Variants in UROS observed in about 807,000 individuals in gnomAD.
The protein encoded by UROS is uroporphyrinogen-III synthase.
UROS carries 18 observed loss-of-function variants against 33.0 expected under a neutral mutation model. That is an observed-to-expected ratio of 0.55 (90% confidence interval 0.38 to 0.81). The LOEUF (loss-of-function observed/expected upper bound fraction) is 0.81, where lower values mean the gene tolerates loss of function less well. UROS is among the 30% of genes least tolerant of loss of function. The pLI is 0.00. For synonymous variants in UROS, 114 were observed against 121.1 expected (o/e 0.94, Z 0.38); for missense variants, 293 against 314.9 (o/e 0.93, Z 0.53).
chr10:125,817,405 C>T (rs1180614510), intron 1 of UROS, among the ~76,000 whole-genome samples: 2 of 151,018 alleles, frequency 1.3e-5, no homozygotes, highest in Non-Finnish European at 2.9e-5. Context: ...CTCATTTCTG[C>T]TTGCCCTTTT....
At chr10:125,819,277 C>T (rs550103822) in intron 1 of UROS, among the ~76,000 whole-genome samples, 2 of 152,254 alleles carry the variant, frequency 1.3e-5, no homozygotes, top group East Asian at 1.9e-4. Context: ...CCACTGCACC[C>T]GGCCTAAAGT....
chr10:125,822,720 A>C (rs528255046), intron 1 of UROS, among the ~76,000 whole-genome samples: 6 of 152,148 alleles, frequency 3.9e-5, no homozygotes, highest in African/African-American at 1.4e-4. Context: ...GACCTCCCTA[A>C]GTGCTGGGAT....
downstream of UROS, chr10:125,788,573 T>C (rs1850699986): frequency 7.4e-7 from 1 of 1,344,238 alleles, no homozygotes; most frequent in Non-Finnish European, 9.6e-7. Context: ...ACAGCAACCA[T>C]ACACTCAGTA....
chr10:125,797,458 G>C (rs1487888625), intron 7 of UROS, among the ~76,000 whole-genome samples: 1 of 152,216 alleles, frequency 6.6e-6, no homozygotes, highest in Non-Finnish European at 1.5e-5. Context: ...ATTCAAATCT[G>C]TTTTTATCTC....
intron 9 of UROS, among the ~76,000 whole-genome samples, chr10:125,790,417 CAA>C (rs1850833344): frequency 6.6e-6 from 1 of 151,666 alleles, no homozygotes; most frequent in Admixed American, 6.6e-5. Context: ...GCACAAGAAA[CAA>C]AAGAAAAAAA....
intron 1 of UROS, among the ~76,000 whole-genome samples, 188 bp downstream of exon 1, chr10:125,822,841 T>A (rs888703135): frequency 5.3e-5 from 8 of 152,008 alleles, no homozygotes; most frequent in Non-Finnish European, 1.0e-4. Context: ...TCGGCGAGGG[T>A]AGGCTGGGCA....
intron 6 of UROS, chr10:125,802,293 C>A: frequency 1.0e-6 from 1 of 985,942 alleles, no homozygotes. Context: ...GGGGCCCAAC[C>A]AGTGCTCTCT....
At chr10:125,800,061 A>G (rs1851699967) in intron 6 of UROS, among the ~76,000 whole-genome samples, 1 of 152,176 alleles carries the variant, frequency 6.6e-6, no homozygotes, top group Admixed American at 6.5e-5. Flanking sequence ...GATGATGAGT[A>G]ATAACACTGA....
chr10:125,787,323 G>A (rs771493825), downstream of UROS, among the ~76,000 whole-genome samples: 6 of 151,712 alleles, frequency 4.0e-5, no homozygotes, highest in Non-Finnish European at 7.4e-5. Context: ...CATCCCTCCC[G>A]CTCTTGTCTG....
At chr10:125,796,668 T>C in intron 7 of UROS, 1 of 628,584 alleles carries the variant, frequency 1.6e-6, no homozygotes, top group Non-Finnish European at 2.0e-6. Context: ...TGTGTCCACT[T>C]GTACAAGAAC....
chr10:125,810,720 C>T (rs1294317881), intron 5 of UROS, among the ~76,000 whole-genome samples: 2 of 152,134 alleles, frequency 1.3e-5, no homozygotes, highest in South Asian at 2.1e-4. Flanking sequence ...GAACAGAAAC[C>T]TCAGAGAGTT....
rs146844336 is a variant in UROS at position 125,818,027 on chromosome 10, G to A, written c.-26-1502C>T. Among the ~76,000 whole-genome samples, 501 of 152,316 alleles carry A rather than the reference G, an allele frequency of 3.3e-3. 2 individuals carry two copies. The highest frequency in any genetic ancestry group is 4.3e-3 in the Non-Finnish European group (291 of 68,032). On this transcript the variant is annotated intron_variant, in intron 1 of 9. Transcript: ENST00000368797. ...GGTTCTCTTAGGTAATAAAACCGAT[G>A]CTGGCATGAAGTTTAGGCTTCTGGA...
At chr10:125,789,222 A>C (rs1469245236) in intron 9 of UROS, 1 of 1,438,876 alleles carries the variant, frequency 6.9e-7, no homozygotes, top group Non-Finnish European at 9.1e-7. Flanking sequence ...TGCCACCCTG[A>C]GCGACTGTCG....
intron 9 of UROS, chr10:125,791,709 C>G (rs1481417569): frequency 6.6e-6 from 1 of 152,084 alleles, no homozygotes; most frequent in Non-Finnish European, 1.5e-5. Flanking sequence ...TGAAAAGAGT[C>G]AGTTACAAAA....
At chr10:125,785,718 T>TCACTGCTAGCCC (rs1212805524), downstream of UROS, 13 of 152,384 alleles carry the variant, frequency 8.5e-5, no homozygotes, top group African/African-American at 2.9e-4. Context: ...TCTTCAGTTC[T>TCACTGCTAGCCC]CACTGCTAGC....
chr10:125,819,555 T>C (rs1590021955), intron 1 of UROS, among the ~76,000 whole-genome samples: 1 of 152,066 alleles, frequency 6.6e-6, no homozygotes, highest in South Asian at 2.1e-4. Context: ...CCCAGAACAA[T>C]TCCTCTTGGC....
chr10:125,800,489 C>T (rs1851752292), intron 6 of UROS, among the ~76,000 whole-genome samples: 1 of 152,100 alleles, frequency 6.6e-6, no homozygotes, highest in Admixed American at 6.5e-5. Flanking sequence ...TGTGTGGTAC[C>T]CCTGGTATTC....
At chr10:125,807,585 T>C in intron 5 of UROS, 98 bp from the exon 6 acceptor site, 1 of 901,614 alleles carries the variant, frequency 1.1e-6, no homozygotes, top group Non-Finnish European at 1.8e-6. Flanking sequence ...GTATGCAGTT[T>C]ACAAATCACA....
intron 5 of UROS, among the ~76,000 whole-genome samples, chr10:125,811,955 G>A: frequency 6.8e-6 from 1 of 146,136 alleles, no homozygotes; most frequent in African/African-American, 2.8e-5. Flanking sequence ...TCAGCCAAAG[G>A]GTACAAACAT....
Sources: allele counts gnomAD v4.1 joint callset (sites outside exome capture counted in the v4.1 genomes callset), GRCh38; gene constraint gnomAD v4.1.1; transcripts MANE v1.5; gene names NCBI Gene and HGNC (gene_info 2026-07-23, HGNC 2026-07-21).